FER: variants seen among roughly 807,000 people sequenced by gnomAD.
FER encodes FER tyrosine kinase.
FER carries 63 observed loss-of-function variants against 111.0 expected under a neutral mutation model. The ratio of observed to expected loss-of-function variants is 0.57; its 90% CI spans 0.46 to 0.70. The LOEUF is 0.70. Among genes scored for constraint, FER ranks in the 30% least tolerant of loss-of-function variants. The pLI is 0.00. For missense variants in FER, 914 were observed against 954.0 expected (o/e 0.96, Z 0.55); for synonymous variants, 327 against 313.9 (o/e 1.04, Z -0.44).
intron 17 of FER, among the ~76,000 whole-genome samples, chr5:109,129,230 A>G (rs2126560260): frequency 6.6e-6 from 1 of 152,176 alleles, no homozygotes; most frequent in Admixed American, 6.5e-5. Context: ...GAATCTTAAT[A>G]AATGATTCTA....
Position 108,866,441 on chromosome 5 carries a change from G to C in FER, c.482-1326G>C, listed in dbSNP as rs369192645. 7.8e-4 allele frequency among the ~76,000 whole-genome samples: 119 copies of C among 151,992 alleles called. 1 individual carries two copies. Among genetic ancestry groups the C allele is most frequent in the African/African-American group, 2.4e-3 (100 of 41,498 alleles). ...TACACACCAAGGACTGTTGTGGGATGGGGGGAAGGGGGAGTGATAGCCTTA... is the reference window on the plus strand; with the variant it reads ...TACACACCAAGGACTGTTGTGGGATCGGGGGAAGGGGGAGTGATAGCCTTA... On this transcript the variant is annotated intron_variant, in intron 5 of 19. Coordinates refer to ENST00000281092, the MANE Select transcript of FER (RefSeq NM_005246.4).
intron 13 of FER, among the ~76,000 whole-genome samples, chr5:109,029,220 CTTTTTT>C (rs558664340): frequency 9.1e-6 from 1 of 109,962 alleles, no homozygotes; most frequent in Admixed American, 8.9e-5. Flanking sequence ...TTTAGGCTTT[CTTTTTT>C]TTTTTTTTTT....
chr5:108,835,587 A>C, intron 4 of FER, 121 bp from the exon 5 acceptor site: 1 of 538,452 alleles, frequency 1.9e-6, no homozygotes, highest in East Asian at 3.5e-5. Flanking sequence ...GTTGTATATT[A>C]AAGGACAACT....
intron 13 of FER, among the ~76,000 whole-genome samples, chr5:108,961,698 G>C (rs1037335425): frequency 6.6e-6 from 1 of 152,094 alleles, no homozygotes; most frequent in Non-Finnish European, 1.5e-5. Context: ...GGTTCATGTT[G>C]CTCTTTTAAA....
At chr5:108,823,407 A>G (rs1476140125) in intron 3 of FER, among the ~76,000 whole-genome samples, 1 of 152,208 alleles carries the variant, frequency 6.6e-6, no homozygotes, top group Non-Finnish European at 1.5e-5. Context: ...TCAACAGTGT[A>G]TAGTGCTCCT....
At chr5:108,965,101 A>G (rs992713599) in intron 13 of FER, among the ~76,000 whole-genome samples, 1 of 152,198 alleles carries the variant, frequency 6.6e-6, no homozygotes, top group Non-Finnish European at 1.5e-5. Context: ...TTTCTATTTA[A>G]TTGGCTTTTT....
intron 13 of FER, among the ~76,000 whole-genome samples, chr5:108,984,606 C>A (rs956965802): frequency 7.9e-5 from 12 of 151,494 alleles, no homozygotes; most frequent in Non-Finnish European, 1.3e-4. Flanking sequence ...AGTTATATTT[C>A]ATTGAATATA....
At chr5:109,130,529 A>G (rs1752246463) in intron 17 of FER, among the ~76,000 whole-genome samples, 1 of 152,174 alleles carries the variant, frequency 6.6e-6, no homozygotes, top group Admixed American at 6.6e-5. Flanking sequence ...TGATATAAAA[A>G]TAAACAGATG....
At chr5:108,776,277 A>T (rs1036148237) in intron 2 of FER, among the ~76,000 whole-genome samples, 1 of 152,136 alleles carries the variant, frequency 6.6e-6, no homozygotes, top group Non-Finnish European at 1.5e-5. Context: ...AAATTAGTGT[A>T]CTTTCAGTAG....
At chr5:108,997,854 G>A (rs185793996) in intron 13 of FER, among the ~76,000 whole-genome samples, 1 of 152,158 alleles carries the variant, frequency 6.6e-6, no homozygotes, top group Admixed American at 6.5e-5. Context: ...TAGAGGGGCA[G>A]TCTGGCCACA....
In FER at chr5:109,182,002, T is replaced by G. The variant is rs1259881031; in HGVS notation, c.2203+1101T>G. On this transcript the variant is annotated intron_variant, in intron 18 of 19. Transcript: ENST00000281092. ...ATTTCATACAAATGGAATTATACGG[T>G]ATGCGATATCTTGTGTCTGGCTTAT... 3.3e-5 allele frequency among the ~76,000 whole-genome samples: 5 copies of G among 152,216 alleles called. No individual in the cohort carries two copies. The South Asian group carries it at 6.2e-4, about 19-fold the overall frequency.
intron 2 of FER, among the ~76,000 whole-genome samples, chr5:108,790,940 A>G (rs1372358122): frequency 6.6e-6 from 1 of 152,084 alleles, no homozygotes; most frequent in Non-Finnish European, 1.5e-5. Context: ...CTAGTAAAAC[A>G]TTTTCAAGGT....
intron 10 of FER, among the ~76,000 whole-genome samples, chr5:108,923,052 T>A (rs34272833): frequency 3.3e-5 from 5 of 152,198 alleles, no homozygotes; most frequent in Non-Finnish European, 7.3e-5. Flanking sequence ...TTTTCTCATC[T>A]GTAAACTAGG....
intron 13 of FER, among the ~76,000 whole-genome samples, chr5:109,016,155 C>G (rs1223720347): frequency 6.6e-6 from 1 of 152,024 alleles, no homozygotes; most frequent in African/African-American, 2.4e-5. Flanking sequence ...TAATTACATG[C>G]TAATGTTATA....
chr5:109,187,299 C>T (rs1442338016), intron 19 of FER, 134 bp from the exon 20 acceptor site: 4 of 862,828 alleles, frequency 4.6e-6, no homozygotes, highest in Admixed American at 2.8e-5. Flanking sequence ...CTCAGCCTCC[C>T]CAGAAATGGA....
chr5:109,141,343 A>G (rs1014793569), intron 17 of FER, among the ~76,000 whole-genome samples: 1 of 152,196 alleles, frequency 6.6e-6, no homozygotes, highest in African/African-American at 2.4e-5. Flanking sequence ...TTGAAGATAA[A>G]GGCAGCATTC....
At chr5:109,008,938 C>G (rs1253938102) in intron 13 of FER, among the ~76,000 whole-genome samples, 1 of 152,042 alleles carries the variant, frequency 6.6e-6, no homozygotes, top group African/African-American at 2.4e-5. Flanking sequence ...CCGTTGCACT[C>G]TAGCCTGGGC....
chr5:108,770,652 A>G (rs1270616114), intron 2 of FER, among the ~76,000 whole-genome samples: 1 of 152,126 alleles, frequency 6.6e-6, no homozygotes, highest in African/African-American at 2.4e-5. Context: ...TTGGGACTAC[A>G]TCTGTGAACT....
intron 16 of FER, among the ~76,000 whole-genome samples, chr5:109,095,444 A>T (rs1747380751): frequency 2.6e-5 from 4 of 151,750 alleles, no homozygotes; most frequent in Admixed American, 2.6e-4. Flanking sequence ...TCATCACCCC[A>T]CTCAGCAACT....
Sources: allele counts gnomAD v4.1 joint callset (sites outside exome capture counted in the v4.1 genomes callset), GRCh38; gene constraint gnomAD v4.1.1; transcripts MANE v1.5; gene names NCBI Gene and HGNC (gene_info 2026-07-23, HGNC 2026-07-21).